Variants in PDE1A observed in about 807,000 individuals in gnomAD.
The protein encoded by PDE1A is phosphodiesterase 1A.
In PDE1A, 35 loss-of-function variants were observed where a neutral mutation model predicts 61.7. The observed-to-expected ratio is 0.57, with a 90% CI of 0.43 to 0.75. The LOEUF (loss-of-function observed/expected upper bound fraction) is 0.75, where lower values mean the gene tolerates loss of function less well. PDE1A is among the 30% of genes least tolerant of loss of function. The probability of loss-of-function intolerance (pLI) is 0.00; values close to 1 mark genes in which losing one functional copy is unlikely to be tolerated. For missense variants in PDE1A, 597 were observed against 630.6 expected (o/e 0.95, Z 0.57); for synonymous variants, 232 against 213.2 (o/e 1.09, Z -0.77).
At chr2:182,385,694 AAAAG>A (rs922739705) in intron 1 of PDE1A, among the ~76,000 whole-genome samples, 2 of 144,486 alleles carry the variant, frequency 1.4e-5, no homozygotes, top group African/African-American at 5.1e-5. Context: ...AAAGAAAGAA[AAAAG>A]AAAGAGCTCT....
At chr2:182,374,045 T>C (rs1188293455) in intron 1 of PDE1A, among the ~76,000 whole-genome samples, 1 of 152,166 alleles carries the variant, frequency 6.6e-6, no homozygotes, top group African/African-American at 2.4e-5. Flanking sequence ...AAGTATTTGG[T>C]GAATGGTGGA....
chr2:182,606,673 C>T, the PDE1A span, among the ~76,000 whole-genome samples: 2 of 152,122 alleles, frequency 1.3e-5, no homozygotes, highest in Non-Finnish European at 2.9e-5. Context: ...ACCAGCAGGT[C>T]ATAAATACCA....
the PDE1A span, among the ~76,000 whole-genome samples, chr2:182,575,466 G>A: frequency 1.3e-5 from 2 of 151,568 alleles, no homozygotes; most frequent in Admixed American, 6.6e-5. Context: ...GTGACTCCTG[G>A]TGGCAATGTT....
intron 1 of PDE1A, among the ~76,000 whole-genome samples, chr2:182,283,941 T>C (rs546610843): frequency 3.3e-5 from 5 of 152,220 alleles, no homozygotes; most frequent in African/African-American, 7.2e-5. Flanking sequence ...ATGAAGCCTA[T>C]TGCCACTTAG....
upstream of PDE1A, among the ~76,000 whole-genome samples, chr2:182,428,096 G>A (rs1460290308): frequency 2.0e-5 from 3 of 152,004 alleles, no homozygotes; most frequent in African/African-American, 4.8e-5. Context: ...GGATTTTATC[G>A]AGCCGTTCTA....
intron 2 of PDE1A, among the ~76,000 whole-genome samples, chr2:182,491,192 G>C (rs942458315): frequency 2.0e-5 from 3 of 152,154 alleles, no homozygotes; most frequent in Non-Finnish European, 4.4e-5. Flanking sequence ...ATACGTTTAG[G>C]GTAACAGCAG....
At chr2:182,429,233 C>A (rs1333857991), upstream of PDE1A, among the ~76,000 whole-genome samples, 1 of 151,986 alleles carries the variant, frequency 6.6e-6, no homozygotes, top group African/African-American at 2.4e-5. Context: ...TTAGCTTTTT[C>A]TCAAAGAACA....
At chr2:182,613,239 T>C in the PDE1A span, among the ~76,000 whole-genome samples, 1 of 152,202 alleles carries the variant, frequency 6.6e-6, no homozygotes, top group East Asian at 1.9e-4. Context: ...GATTCATTTA[T>C]TTATTCTATA....
At chr2:182,281,341 C>G (rs1020733098) in intron 1 of PDE1A, among the ~76,000 whole-genome samples, 2 of 151,822 alleles carry the variant, frequency 1.3e-5, no homozygotes, top group African/African-American at 4.8e-5. Context: ...ATAATGAGTG[C>G]TTTGTCTTAG....
the PDE1A span, among the ~76,000 whole-genome samples, chr2:182,690,877 C>T: frequency 6.6e-6 from 1 of 152,158 alleles, no homozygotes; most frequent in East Asian, 1.9e-4. Context: ...CATTCTTATA[C>T]ACCAATAACA....
chr2:182,163,681 C>T (rs1456527276), downstream of PDE1A, among the ~76,000 whole-genome samples: 1 of 152,110 alleles, frequency 6.6e-6, no homozygotes, highest in Non-Finnish European at 1.5e-5. Context: ...AAGCACAATT[C>T]CTAGTGGACC....
At chr2:182,209,949 T>G (rs187431265) in intron 7 of PDE1A, among the ~76,000 whole-genome samples, 2 of 152,320 alleles carry the variant, frequency 1.3e-5, no homozygotes, top group Admixed American at 1.3e-4. Context: ...CATTCATGTT[T>G]CCTTCATGTC....
the PDE1A span, among the ~76,000 whole-genome samples, chr2:182,576,791 A>G: frequency 6.6e-6 from 1 of 152,152 alleles, no homozygotes; most frequent in Non-Finnish European, 1.5e-5. Context: ...CACTGATATC[A>G]CCAGTAGATA....
chr2:182,518,491 G>T (rs1690354773), intron 2 of PDE1A, among the ~76,000 whole-genome samples: 1 of 152,122 alleles, frequency 6.6e-6, no homozygotes, highest in Non-Finnish European at 1.5e-5. Context: ...TGTCTTTCAA[G>T]CATTGCATTC....
upstream of PDE1A, among the ~76,000 whole-genome samples, chr2:182,428,290 A>G (rs1292203415): frequency 5.3e-5 from 8 of 152,136 alleles, no homozygotes; most frequent in Admixed American, 5.2e-4. Flanking sequence ...ATTTCTTTCC[A>G]GCTTTAATGG....
upstream of PDE1A, among the ~76,000 whole-genome samples, chr2:182,431,838 A>G (rs185818270): frequency 2.8e-4 from 42 of 152,198 alleles, no homozygotes; most frequent in East Asian, 3.9e-3. Flanking sequence ...GAAAAAGAAG[A>G]AACAACTTAC....
the PDE1A span, among the ~76,000 whole-genome samples, chr2:182,543,533 C>A: frequency 0.83 from 126,272 of 152,152 alleles, 52,674 homozygotes; most frequent in East Asian, 0.99. Flanking sequence ...GGGATGCCTA[C>A]ATTATGGGTA....
intron 2 of PDE1A, among the ~76,000 whole-genome samples, chr2:182,505,107 C>T (rs540107973): frequency 6.6e-6 from 1 of 152,336 alleles, no homozygotes; most frequent in East Asian, 1.9e-4. Context: ...GGACACACAG[C>T]CGTCTCCACT....
At chr2:182,190,221 T>G (rs1685574367) in intron 10 of PDE1A, among the ~76,000 whole-genome samples, 2 of 152,280 alleles carry the variant, frequency 1.3e-5, no homozygotes, top group African/African-American at 4.8e-5. Context: ...ATCAAAGAAG[T>G]AGGAAAATAG....
Sources: allele counts gnomAD v4.1 joint callset (sites outside exome capture counted in the v4.1 genomes callset), GRCh38; gene constraint gnomAD v4.1.1; transcripts MANE v1.5; gene names NCBI Gene and HGNC (gene_info 2026-07-23, HGNC 2026-07-21).